Variants in LMO1 observed in about 807,000 individuals in gnomAD.
The protein encoded by LMO1 is LIM domain only 1, also known as rhombotin-1.
In LMO1, 10 loss-of-function variants were observed where a neutral mutation model predicts 18.0. That is an observed-to-expected ratio of 0.55 (90% CI 0.34 to 0.94). The LOEUF (loss-of-function observed/expected upper bound fraction) is 0.94. Among genes scored for constraint, LMO1 ranks in the 40% least tolerant of loss-of-function variants. The probability of loss-of-function intolerance (pLI) is 0.02; values close to 1 mark genes in which losing one functional copy is unlikely to be tolerated. For missense variants in LMO1, 183 were observed against 205.7 expected, an observed-to-expected ratio of 0.89 and a Z score of 0.68; for synonymous variants, 77 against 77.9, an observed-to-expected ratio of 0.99 and a Z score of 0.06.
intron 1 of LMO1, among the ~76,000 whole-genome samples, chr11:8,256,121 G>A (rs904882200): frequency 7.2e-5 from 11 of 152,160 alleles, no homozygotes; most frequent in Non-Finnish European, 1.3e-4. Flanking sequence ...CACCGCGCCC[G>A]GCCAATGCTG....
intron 1 of LMO1, among the ~76,000 whole-genome samples, chr11:8,256,691 CATGGCCTGGA>C (rs5789571): frequency 0.45 from 68,941 of 151,646 alleles, 17,166 homozygotes; most frequent in East Asian, 0.79. Context: ...TGTCTCTGAG[CATGGCCTGGA>C]ATGGCCTGGG....
chr11:8,225,552 G>A (rs1389418954), intron 3 of LMO1, among the ~76,000 whole-genome samples: 1 of 151,770 alleles, frequency 6.6e-6, no homozygotes, highest in Non-Finnish European at 1.5e-5. Context: ...AAATTGATAA[G>A]TTACCTAGAG....
intron 1 of LMO1, among the ~76,000 whole-genome samples, chr11:8,251,850 C>T (rs904177711): frequency 1.4e-3 from 162 of 118,734 alleles, no homozygotes; most frequent in African/African-American, 5.0e-3. Context: ...GGTGGGTGTG[C>T]GTGTGTGTGT....
chr11:8,264,177 C>T (rs1385554564), upstream of LMO1, among the ~76,000 whole-genome samples: 1 of 151,906 alleles, frequency 6.6e-6, no homozygotes, highest in Non-Finnish European at 1.5e-5. Context: ...CCCGGGGTTT[C>T]GTGTTGCTTC....
intron 1 of LMO1, among the ~76,000 whole-genome samples, chr11:8,235,367 T>C (rs1952744447): frequency 6.6e-6 from 1 of 152,182 alleles, no homozygotes; most frequent in South Asian, 2.1e-4. Context: ...CCTAAATCAT[T>C]TGAGAGTTGG....
At chr11:8,230,982 G>T (rs920306864) in intron 1 of LMO1, among the ~76,000 whole-genome samples, 5 of 152,210 alleles carry the variant, frequency 3.3e-5, no homozygotes, top group Admixed American at 1.3e-4. Flanking sequence ...AAGTGCTACA[G>T]CCTCTTGGTC....
Position 8,258,558 on chromosome 11 carries a change from T to C in LMO1, c.25+4780A>G, listed in dbSNP as rs765733891. Reference sequence around the variant, plus strand: ...CAGTGCTCACTGGCAATCATCCATCTGTTCCAAGGTTGAGAGACCAAAATA... The same window carrying C: ...CAGTGCTCACTGGCAATCATCCATCCGTTCCAAGGTTGAGAGACCAAAATA... On this transcript the variant is annotated intron_variant, in intron 1 of 3. Coordinates refer to ENST00000335790, the MANE Select transcript of LMO1 (RefSeq NM_002315.3). Among the ~76,000 whole-genome samples, 10 of 152,340 alleles carry C rather than the reference T, an allele frequency of 6.6e-5. No individual in the cohort carries two copies. In the South Asian group the frequency reaches 2.1e-3, roughly 32 times the overall value.
Position 8,242,381 on chromosome 11 carries a change from A to G in LMO1, c.26-11877T>C, listed in dbSNP as rs116960140. Reference sequence around the variant, plus strand: ...CAGCTCTGGCTGTCACCTCTGGCACAGACCTAGCCTCCCCAGCTCCCTGCC... The same window carrying G: ...CAGCTCTGGCTGTCACCTCTGGCACGGACCTAGCCTCCCCAGCTCCCTGCC... On this transcript the variant is annotated intron_variant, in intron 1 of 3. Transcript: ENST00000335790. Among the ~76,000 whole-genome samples, 1,382 of 152,328 alleles carry G rather than the reference A, an allele frequency of 9.1e-3. 10 individuals carry two copies. Among genetic ancestry groups the G allele is most frequent in the Non-Finnish European group, 0.015 (997 of 68,032 alleles).
At chr11:8,238,780 C>T (rs1369997319) in intron 1 of LMO1, among the ~76,000 whole-genome samples, 1 of 151,658 alleles carries the variant, frequency 6.6e-6, no homozygotes, top group Non-Finnish European at 1.5e-5. Flanking sequence ...TGTCCTATGT[C>T]TTGATCTGAG....
At chr11:8,251,208 G>A (rs1590553921) in intron 1 of LMO1, among the ~76,000 whole-genome samples, 1 of 152,304 alleles carries the variant, frequency 6.6e-6, no homozygotes, top group African/African-American at 2.4e-5. Flanking sequence ...ATGCAAATGG[G>A]GAAACCAAGA....
chr11:8,235,513 T>C (rs1403357555), intron 1 of LMO1, among the ~76,000 whole-genome samples: 1 of 152,250 alleles, frequency 6.6e-6, no homozygotes, highest in East Asian at 1.9e-4. Flanking sequence ...CATTATTATC[T>C]AATCTATAGA....
intron 1 of LMO1, among the ~76,000 whole-genome samples, chr11:8,254,100 T>G (rs1847050089): frequency 6.6e-6 from 1 of 152,136 alleles, no homozygotes; most frequent in East Asian, 1.9e-4. Context: ...AAAATTATAC[T>G]GTGAGAGGAA....
intron 1 of LMO1, among the ~76,000 whole-genome samples, chr11:8,260,610 T>C (rs900029024): frequency 1.3e-5 from 2 of 152,178 alleles, no homozygotes; most frequent in South Asian, 2.1e-4. Flanking sequence ...GATTCAATAC[T>C]TCAGAAAGTC....
chr11:8,234,843 C>T (rs551096879), intron 1 of LMO1, among the ~76,000 whole-genome samples: 4 of 152,280 alleles, frequency 2.6e-5, no homozygotes, highest in East Asian at 1.9e-4. Flanking sequence ...CAGGAAGAAA[C>T]GCCTTTGTCC....
intron 1 of LMO1, among the ~76,000 whole-genome samples, chr11:8,244,985 G>A (rs1307109925): frequency 6.6e-6 from 1 of 152,088 alleles, no homozygotes; most frequent in African/African-American, 2.4e-5. Context: ...ACCCCTCCTC[G>A]TGTGCCCTAT....
Position 8,224,539 on chromosome 11 carries a change from G to A in LMO1, c.*77C>T, listed in dbSNP as rs1352544152. 1 of 841,398 alleles carries A rather than the reference G, an allele frequency of 1.2e-6. No homozygotes were observed. The highest frequency in any genetic ancestry group is 1.9e-6 in the Non-Finnish European group (1 of 516,258). 52.1% of individuals were successfully genotyped at this position (841,398 alleles called of 1,614,324 possible). ...AGCGGCTGGCCAGCCTGCACTGGTA[G>A]AGTGGCTGGCTGGCCGGCCAGGCAG... On this transcript the variant is annotated 3_prime_UTR_variant, in exon 4 of 4. Transcript: ENST00000335790.
At chr11:8,257,819 G>C (rs1405871157) in intron 1 of LMO1, among the ~76,000 whole-genome samples, 5 of 152,262 alleles carry the variant, frequency 3.3e-5, no homozygotes, top group Admixed American at 2.0e-4. Context: ...AACTGGCAGA[G>C]TGAGGGTGCA....
chr11:8,241,728 T>C (rs1301207061), intron 1 of LMO1, among the ~76,000 whole-genome samples: 1 of 151,854 alleles, frequency 6.6e-6, no homozygotes, highest in Non-Finnish European at 1.5e-5. Context: ...CACACTTCAG[T>C]AATTTCCTTC....
At chr11:8,251,867 G>T (rs1216198880) in intron 1 of LMO1, among the ~76,000 whole-genome samples, 1 of 8,242 alleles carries the variant, frequency 1.2e-4, no homozygotes, top group Non-Finnish European at 3.6e-4. Flanking sequence ...GTGTGAATGT[G>T]TGTGAGTGTG....
Sources: allele counts gnomAD v4.1 joint callset (sites outside exome capture counted in the v4.1 genomes callset), GRCh38; gene constraint gnomAD v4.1.1; transcripts MANE v1.5; gene names NCBI Gene and HGNC (gene_info 2026-07-23, HGNC 2026-07-21).